Variants in ARHGAP42 observed in about 807,000 individuals in gnomAD.
ARHGAP42 encodes rho GTPase-activating protein 42.
In ARHGAP42, 63 loss-of-function variants were observed where a neutral mutation model predicts 125.0. The observed-to-expected ratio is 0.50, with a 90% confidence interval of 0.41 to 0.62. The LOEUF is 0.62. Among genes scored for constraint, ARHGAP42 ranks in the 20% least tolerant of loss-of-function variants. The pLI is 0.00. For missense variants in ARHGAP42, 766 were observed against 1,024.2 expected (o/e 0.75, Z 3.44); for synonymous variants, 339 against 351.0 (o/e 0.97, Z 0.38).
intron 5 of ARHGAP42, among the ~76,000 whole-genome samples, chr11:100,915,723 C>T (rs1001670472): frequency 6.6e-6 from 1 of 152,100 alleles, no homozygotes; most frequent in African/African-American, 2.4e-5. Flanking sequence ...TCCTCTCCCC[C>T]ACCTCACTCC....
intron 8 of ARHGAP42, among the ~76,000 whole-genome samples, chr11:100,940,388 A>G (rs1211576491): frequency 6.6e-6 from 1 of 152,172 alleles, no homozygotes; most frequent in Non-Finnish European, 1.5e-5. Flanking sequence ...ATTCATATGT[A>G]GAAAACAAGC....
intron 1 of ARHGAP42, among the ~76,000 whole-genome samples, chr11:100,723,343 C>T (rs553736896): frequency 6.6e-6 from 1 of 152,286 alleles, no homozygotes; most frequent in Admixed American, 6.5e-5. Context: ...ATTGGGATTG[C>T]ATTCAATCTA....
At chr11:100,963,986 T>A (rs1408640391) in intron 16 of ARHGAP42, among the ~76,000 whole-genome samples, 1 of 151,956 alleles carries the variant, frequency 6.6e-6, no homozygotes. Context: ...CTGTGGCAAA[T>A]GATGATTATA....
At chr11:100,738,712 A>G (rs1199160698) in intron 1 of ARHGAP42, among the ~76,000 whole-genome samples, 1 of 152,222 alleles carries the variant, frequency 6.6e-6, no homozygotes, top group African/African-American at 2.4e-5. Flanking sequence ...GCTGACTACT[A>G]AAGGTAGTTA....
intron 16 of ARHGAP42, among the ~76,000 whole-genome samples, chr11:100,964,793 A>T (rs1484357022): frequency 6.6e-6 from 1 of 152,152 alleles, no homozygotes; most frequent in African/African-American, 2.4e-5. Context: ...GCTTGTGTTT[A>T]TGTAATAATG....
chr11:100,961,309 C>T (rs1426117673), intron 14 of ARHGAP42, among the ~76,000 whole-genome samples: 10 of 152,020 alleles, frequency 6.6e-5, no homozygotes, highest in Admixed American at 3.3e-4. Context: ...ATTTGCTTAA[C>T]GTCTTTGTGT....
chr11:100,851,388 G>T (rs540633845), intron 3 of ARHGAP42, among the ~76,000 whole-genome samples: 1 of 152,150 alleles, frequency 6.6e-6, no homozygotes, highest in Non-Finnish European at 1.5e-5. Context: ...GATCCCATAA[G>T]ATTATAATGG....
Position 100,917,015 on chromosome 11 carries a change from TTGTGTG to T in ARHGAP42, c.486+3494_486+3499del, listed in dbSNP as rs6144479. Among the ~76,000 whole-genome samples, 2,154 of 149,578 alleles carry T rather than the reference TTGTGTG, an allele frequency of 0.014. 78 individuals are homozygous for T. In the East Asian group the frequency reaches 0.15, roughly 10 times the overall value. On this transcript the variant is annotated intron_variant, in intron 5 of 23. Coordinates refer to ENST00000298815, the MANE Select transcript of ARHGAP42 (RefSeq NM_152432.4). ...TATACAGGTTTGTTTTAAAATAAGT[TTGTGTG>T]TGTGTGTGTGTGTGTGTGTGTGTGT...
chr11:100,749,779 A>C (rs747355898), intron 1 of ARHGAP42, among the ~76,000 whole-genome samples: 15 of 152,068 alleles, frequency 9.9e-5, no homozygotes, highest in Non-Finnish European at 1.8e-4. Context: ...CATCCACTGG[A>C]ACAACACTGC....
intron 4 of ARHGAP42, among the ~76,000 whole-genome samples, chr11:100,878,292 C>T (rs1865872003): frequency 6.6e-6 from 1 of 151,876 alleles, no homozygotes; most frequent in South Asian, 2.1e-4. Flanking sequence ...CCATGCCCGG[C>T]CTATTCCTTC....
chr11:100,732,939 T>A (rs1339281821), intron 1 of ARHGAP42, among the ~76,000 whole-genome samples: 1 of 152,220 alleles, frequency 6.6e-6, no homozygotes, highest in Non-Finnish European at 1.5e-5. Flanking sequence ...TAAGGACACA[T>A]GTTAATTAGC....
intron 1 of ARHGAP42, among the ~76,000 whole-genome samples, chr11:100,741,680 A>G (rs578209389): frequency 1.3e-5 from 2 of 152,320 alleles, no homozygotes; most frequent in Non-Finnish European, 2.9e-5. Flanking sequence ...CGTTACTTAG[A>G]TACTGCCTAT....
intron 12 of ARHGAP42, among the ~76,000 whole-genome samples, chr11:100,952,379 T>C (rs963695214): frequency 2.6e-5 from 4 of 152,190 alleles, no homozygotes; most frequent in Non-Finnish European, 4.4e-5. Flanking sequence ...CTAGCAACTT[T>C]TTTAATCTAA....
chr11:100,688,945 TAAC>T (rs1212264713), intron 1 of ARHGAP42, among the ~76,000 whole-genome samples: 1 of 152,144 alleles, frequency 6.6e-6, no homozygotes, highest in Non-Finnish European at 1.5e-5. Flanking sequence ...CATCTTTGTA[TAAC>T]AACATGATAG....
rs1862165359 is a variant in ARHGAP42, at chr11:100,740,677, G to C, written c.155-29666G>C. ...AGTGAAGGGGATGGTGCCAGCAGTT[G>C]CAAGATAAAGCGATGGGGTAGGTAC... On this transcript the variant is annotated intron_variant, in intron 1 of 23. Transcript: ENST00000298815. 2.6e-5 allele frequency among the ~76,000 whole-genome samples: 4 copies of C among 152,314 alleles called. No individual in the cohort carries two copies. The South Asian group carries it at 8.3e-4, about 32-fold the overall frequency.
intron 17 of ARHGAP42, among the ~76,000 whole-genome samples, chr11:100,966,091 G>T (rs930721822): frequency 2.0e-5 from 3 of 152,124 alleles, no homozygotes; most frequent in Middle Eastern, 6.8e-3. Context: ...TCTTTTAGGT[G>T]CATTATAAGC....
intron 1 of ARHGAP42, among the ~76,000 whole-genome samples, chr11:100,750,282 A>G (rs1295517680): frequency 1.3e-5 from 2 of 152,232 alleles, no homozygotes; most frequent in African/African-American, 4.8e-5. Context: ...AGGGAGGGGA[A>G]GGGGTTCTTA....
At chr11:100,702,473 A>C (rs1281225396) in intron 1 of ARHGAP42, among the ~76,000 whole-genome samples, 1 of 152,124 alleles carries the variant, frequency 6.6e-6, no homozygotes, top group Non-Finnish European at 1.5e-5. Context: ...AGAATCACCA[A>C]AATGTGACAG....
At chr11:100,830,135 T>C (rs1406184567) in intron 3 of ARHGAP42, among the ~76,000 whole-genome samples, 1 of 152,232 alleles carries the variant, frequency 6.6e-6, no homozygotes, top group Admixed American at 6.5e-5. Context: ...TTAGTAACTT[T>C]TATTTTTATA....
Sources: allele counts gnomAD v4.1 joint callset (sites outside exome capture counted in the v4.1 genomes callset), GRCh38; gene constraint gnomAD v4.1.1; transcripts MANE v1.5; gene names NCBI Gene and HGNC (gene_info 2026-07-23, HGNC 2026-07-21).